The following ASXL3 variants were observed in gnomAD, a reference collection of about 807,000 sequenced individuals.
ASXL3 encodes ASXL transcriptional regulator 3, also known as putative Polycomb group protein ASXL3.
Under a neutral mutation model 170.6 loss-of-function variants are expected in ASXL3, and 34 were observed. The observed-to-expected ratio is 0.20, with a 90% confidence interval of 0.15 to 0.27. The LOEUF (loss-of-function observed/expected upper bound fraction) is 0.27, where lower values mean the gene tolerates loss of function less well. ASXL3 is among the 10% of genes least tolerant of loss of function. The pLI, the probability that ASXL3 is intolerant of heterozygous loss-of-function variation, is 1.00. For synonymous variants in ASXL3, 1,002 were observed against 989.1 expected (o/e 1.01, Z -0.24); for missense variants, 2,592 against 2,695.3 (o/e 0.96, Z 0.85).
rs79475809 is a variant in ASXL3 at position 33,678,039 on chromosome 18, G to A, written c.716-5366G>A. Among the ~76,000 whole-genome samples, 83 of 151,938 alleles carry A rather than the reference G, an allele frequency of 5.5e-4. 1 individual carries two copies. The highest frequency in any genetic ancestry group is 1.2e-3 in the South Asian group (6 of 4,818). On this transcript the variant is annotated intron_variant, in intron 7 of 11. Transcript: ENST00000269197. The stretch of plus-strand genomic sequence containing the variant: ...CAAGTAACTGGGACTACAGGCATGC[G>A]CCATTATGCCAATGTTAATTTTATT...
chr18:33,622,976 T>C (rs2065538718), intron 2 of ASXL3, among the ~76,000 whole-genome samples: 1 of 152,182 alleles, frequency 6.6e-6, no homozygotes, highest in African/African-American at 2.4e-5. Flanking sequence ...TTGATTTATA[T>C]TAAAGATGTG....
At position 33,744,901 on chromosome 18, in the gene ASXL3, G is replaced by T; in HGVS notation, c.5053G>T (p.Asp1685Tyr). Residue 1685 changes from aspartate (D) to tyrosine (Y), a missense_variant, in exon 12 of 12, where the codon GAC becomes TAC. By Grantham distance (160) the Asp-to-Tyr change is radical. Coordinates refer to ENST00000269197, the MANE Select transcript of ASXL3 (RefSeq NM_030632.3). Reference protein sequence around the residue: ...ADKGFRMDTEDFPGPELPPPA... With the variant: ...ADKGFRMDTEYFPGPELPPPA... The stretch of plus-strand genomic sequence containing the variant: ...CAAGGGCTTTAGAATGGACACTGAA[G>T]ACTTCCCTGGCCCTGAGCTGCCTCC... 6.2e-7 allele frequency: 1 copy of T among 1,614,020 alleles called. No homozygotes were observed. Among genetic ancestry groups the T allele is most frequent in the African/African-American group, 1.3e-5 (1 of 75,050 alleles).
At position 33,744,810 on chromosome 18, in the gene ASXL3, A is replaced by ACTT. The variant is rs770871587; in HGVS notation, c.4964_4966dup (p.Leu1655dup). The stretch of plus-strand genomic sequence containing the variant: ...ATGCCAACTACTTGAACGTGTCAGA[A>ACTT]CTTCATCCCAGGAATCTTGTAACAA... On this transcript the variant is annotated inframe_insertion, in exon 12 of 12. Coordinates refer to ENST00000269197, the MANE Select transcript of ASXL3 (RefSeq NM_030632.3). 6.2e-7 allele frequency: 1 copy of ACTT among 1,614,050 alleles called. No homozygotes were observed. Among genetic ancestry groups the ACTT allele is most frequent in the Non-Finnish European group, 8.5e-7 (1 of 1,179,900 alleles).
Position 33,746,017 on chromosome 18 carries a change from C to T in ASXL3, c.6169C>T (p.Pro2057Ser), listed in dbSNP as rs1477575138. 6.4e-7 allele frequency: 1 copy of T among 1,572,324 alleles called. No individual in the cohort carries two copies. Among genetic ancestry groups the T allele is most frequent in the Non-Finnish European group, 8.7e-7 (1 of 1,154,990 alleles). ...NAEVPSDQKQ[P>S]PVTMETTKRL... ...AGAAGTCCCATCTGATCAAAAACAA[C>T]CTCCAGTTACCATGGAAACCACTAA... The change falls in exon 12 of 12, where the codon CCT (proline) becomes TCT (serine). Residue 2057 changes from proline (P) to serine (S), a missense_variant. By Grantham distance (74) the Pro-to-Ser change is moderately conservative. This residue lies in a region of ASXL3 where 2,246 missense variants were observed against 2,219.6 expected (regional missense o/e 1.01). Transcript: ENST00000269197.
At chr18:33,618,859 T>C (rs547773851) in intron 2 of ASXL3, among the ~76,000 whole-genome samples, 77 of 152,172 alleles carry the variant, frequency 5.1e-4, no homozygotes, top group Non-Finnish European at 1.0e-3. Flanking sequence ...TTAAAAAGTA[T>C]TGTCTTTCCA....
chr18:33,709,836 G>A (rs1037530327), intron 8 of ASXL3, among the ~76,000 whole-genome samples: 12 of 152,210 alleles, frequency 7.9e-5, no homozygotes, highest in Admixed American at 7.9e-4. Context: ...GCAATGAACA[G>A]TCTGTTCTGT....
At position 33,739,347 on chromosome 18, in the gene ASXL3, C is replaced by T. The variant is rs376802279; in HGVS notation, c.1943C>T (p.Thr648Ile). The T allele has an allele frequency of 6.2e-7, 1 of 1,613,576 alleles. No homozygotes were observed. The highest frequency in any genetic ancestry group is 8.5e-7 in the Non-Finnish European group (1 of 1,179,686). The change falls in exon 11 of 12, where the codon ACA becomes ATA. Residue 648 changes from threonine (T) to isoleucine (I), a missense_variant. Around this residue, in one of 4 missense-constraint regions of ASXL3, gnomAD observed 2,246 missense variants for 2,219.6 expected, o/e 1.01. Transcript: ENST00000269197. ...TGTACTCCAGCCTCCCTTGAGACAACATTTTGTTCTGAGGTATCTAGCACT... is the reference window on the plus strand; with the variant it reads ...TGTACTCCAGCCTCCCTTGAGACAATATTTTGTTCTGAGGTATCTAGCACT... ...ESCTPASLET[T>I]FCSEVSSTEN...
At chr18:33,678,985 A>G (rs756737016) in intron 7 of ASXL3, among the ~76,000 whole-genome samples, 4 of 152,168 alleles carry the variant, frequency 2.6e-5, no homozygotes, top group Non-Finnish European at 5.9e-5. Flanking sequence ...TCTTTATTCT[A>G]TGATATTCTT....
intron 1 of ASXL3, among the ~76,000 whole-genome samples, chr18:33,584,350 T>C (rs2065017999): frequency 6.6e-6 from 1 of 151,964 alleles, no homozygotes; most frequent in African/African-American, 2.4e-5. Context: ...ATTCAGTGAG[T>C]TTTACTATGG....
intron 2 of ASXL3, among the ~76,000 whole-genome samples, chr18:33,621,289 G>A (rs981874280): frequency 4.6e-5 from 7 of 152,126 alleles, no homozygotes; most frequent in African/African-American, 1.4e-4. Context: ...TAAGAAGAAT[G>A]TACAAAAGTA....
chr18:33,599,668 T>G (rs2065164077), intron 1 of ASXL3, among the ~76,000 whole-genome samples: 1 of 152,074 alleles, frequency 6.6e-6, no homozygotes, highest in Admixed American at 6.6e-5. Flanking sequence ...TTGCAGCAGG[T>G]TTTTTTGGGG....
At chr18:33,668,010 T>G (rs1044371990) in intron 5 of ASXL3, among the ~76,000 whole-genome samples, 3 of 152,228 alleles carry the variant, frequency 2.0e-5, no homozygotes, top group African/African-American at 7.2e-5. Flanking sequence ...ATTTTCTGTT[T>G]AAAGCATCTT....
intron 2 of ASXL3, among the ~76,000 whole-genome samples, chr18:33,615,449 A>G (rs965755064): frequency 6.6e-6 from 1 of 152,284 alleles, no homozygotes; most frequent in Middle Eastern, 3.4e-3. Flanking sequence ...ACAGAACACC[A>G]TAACAGATAT....
chr18:33,611,243 A>G (rs1287226976), intron 2 of ASXL3, among the ~76,000 whole-genome samples: 2 of 152,104 alleles, frequency 1.3e-5, no homozygotes, highest in Non-Finnish European at 2.9e-5. Context: ...CCAGAATGAA[A>G]TAAGTACCTT....
Position 33,661,817 on chromosome 18 carries a change from A to G in ASXL3, c.477+80A>G, listed in dbSNP as rs962842805. On this transcript the variant is annotated intron_variant, in intron 5 of 11. Coordinates refer to ENST00000269197, the MANE Select transcript of ASXL3 (RefSeq NM_030632.3). ...GTGTGTTTTGCTGATCAAGTAAACA[A>G]TAACCTAGCAATCAGAAAGCAGAAT... is the stretch of plus-strand genomic sequence containing the variant. The G allele has an allele frequency of 7.0e-6, 10 of 1,423,622 alleles. No homozygotes were observed. The East Asian group carries it at 2.0e-4, about 28-fold the overall frequency. The allele number at this position is 1,423,622 out of a possible 1,614,324, so 88.2% of individuals were successfully genotyped here.
chr18:33,623,952 A>G (rs542582559), intron 2 of ASXL3, among the ~76,000 whole-genome samples: 1 of 152,214 alleles, frequency 6.6e-6, no homozygotes, highest in South Asian at 2.1e-4. Flanking sequence ...TGAGGCCAGG[A>G]GTTTAAGACT....
intron 5 of ASXL3, among the ~76,000 whole-genome samples, chr18:33,668,665 T>G (rs1201375369): frequency 6.6e-6 from 1 of 152,052 alleles, no homozygotes; most frequent in Non-Finnish European, 1.5e-5. Flanking sequence ...AAAATTGCTA[T>G]GGGTTTTTAT....
Position 33,734,296 on chromosome 18 carries a change from C to A in ASXL3, c.977-14C>A. On this transcript the variant is annotated splice_polypyrimidine_tract_variant and intron_variant, in intron 9 of 11. Transcript: ENST00000269197. The stretch of plus-strand genomic sequence containing the variant: ...TGACCACATTTATTCAATACATTAG[C>A]ATTTTCTTTTTAGGAGAGTTTACCC... 9.6e-6 allele frequency: 15 copies of A among 1,560,706 alleles called. No homozygotes were observed. The highest frequency in any genetic ancestry group is 1.3e-5 in the Non-Finnish European group (15 of 1,148,256).
chr18:33,607,656 A>G lies in ASXL3; in HGVS notation c.117A>G (p.Lys39=). 6.3e-7 allele frequency: 1 copy of G among 1,583,990 alleles called. No homozygotes were observed. The highest frequency in any genetic ancestry group is 8.6e-7 in the Non-Finnish European group (1 of 1,163,990). ...TAKQILEVIQ[K]EGLKETSGTS... ...AGCAGATATTGGAAGTCATTCAGAA[A>G]GAAGGGTTAAAAGAAACAAGGTCAG... The change falls in exon 2 of 12, where the codon AAA becomes AAG. Residue 39 remains lysine, a synonymous_variant. Transcript: ENST00000269197.
Sources: allele counts gnomAD v4.1 joint callset (sites outside exome capture counted in the v4.1 genomes callset), GRCh38; gene constraint gnomAD v4.1.1; regional missense constraint gnomAD v4.1.1; transcripts MANE v1.5; gene names NCBI Gene and HGNC (gene_info 2026-07-23, HGNC 2026-07-21).